The following HHIP variants were observed in gnomAD, a reference collection of about 807,000 sequenced individuals.
HHIP encodes hedgehog-interacting protein.
HHIP carries 12 observed loss-of-function variants against 74.0 expected under a neutral mutation model. The observed-to-expected ratio is 0.16, with a 90% CI of 0.10 to 0.26. The LOEUF (loss-of-function observed/expected upper bound fraction) is 0.26, where lower values mean the gene tolerates loss of function less well. Among genes scored for constraint, HHIP ranks in the 10% least tolerant of loss-of-function variants. The probability of loss-of-function intolerance (pLI) is 1.00; values close to 1 mark genes in which losing one functional copy is unlikely to be tolerated. For synonymous variants in HHIP, 309 were observed against 311.6 expected, an observed-to-expected ratio of 0.99 and a Z score of 0.09; for missense variants, 788 against 845.0, an observed-to-expected ratio of 0.93 and a Z score of 0.84.
intron 1 of HHIP, 136 bp downstream of exon 1, chr4:144,647,090 C>T (rs1341149732): frequency 2.2e-5 from 15 of 688,504 alleles, no homozygotes; most frequent in Non-Finnish European, 3.3e-5. Context: ...TTTTCTATAG[C>T]GCTAACGTGA....
chr4:144,692,106 G>T (rs1055996319), intron 4 of HHIP, among the ~76,000 whole-genome samples: 18 of 151,810 alleles, frequency 1.2e-4, no homozygotes, highest in South Asian at 1.0e-3. Context: ...TGCCATCTGG[G>T]TACTAGTAAC....
In HHIP at chr4:144,707,175, C is replaced by T. The variant is rs1730171222; in HGVS notation, c.1072C>T (p.Leu358Phe). 6.2e-7 allele frequency: 1 copy of T among 1,613,942 alleles called. No individual in the cohort carries two copies. Among genetic ancestry groups the T allele is most frequent in the Admixed American group, 1.7e-5 (1 of 60,012 alleles). Residue 358 changes from leucine (L) to phenylalanine (F), a missense_variant, in exon 6 of 13, where the codon CTC (leucine) becomes TTC (phenylalanine). Coordinates refer to ENST00000296575, the MANE Select transcript of HHIP (RefSeq NM_022475.3). ...CAGAAAGCATCTGGGAGGACAACTG[C>T]TCTTTGGCCCTGACGGCTTTTTGTA... ...LHRKHLGGQLLFGPDGFLYII... is the reference protein window; with the variant it reads ...LHRKHLGGQLFFGPDGFLYII...
chr4:144,735,102 T>C lies in HHIP; in HGVS notation c.1909+213T>C, dbSNP rs72718207. ...ACAATTCACTTATGTAAGTTAATTA[T>C]AAATATACAAAACCTTTAAATGACT... is the stretch of plus-strand genomic sequence containing the variant. On this transcript the variant is annotated intron_variant, in intron 12 of 12. Coordinates refer to ENST00000296575, the MANE Select transcript of HHIP (RefSeq NM_022475.3). Among the ~76,000 whole-genome samples the C allele has an allele frequency of 3.4e-3, 515 of 152,344 alleles. 4 individuals are homozygous for C. Among genetic ancestry groups the C allele is most frequent in the Middle Eastern group, 0.024 (7 of 294 alleles).
At chr4:144,700,055 GT>G (rs1364709456) in intron 4 of HHIP, among the ~76,000 whole-genome samples, 1 of 152,232 alleles carries the variant, frequency 6.6e-6, no homozygotes, top group South Asian at 2.1e-4. Context: ...TTGGAATCTC[GT>G]TTGACTAACT....
At chr4:144,711,851 G>T (rs1730314324) in intron 7 of HHIP, 99 bp from the exon 8 acceptor site, 12 of 1,167,196 alleles carry the variant, frequency 1.0e-5, no homozygotes, top group Middle Eastern at 2.0e-4. Context: ...TAGGATCCTT[G>T]CCAGTCCACA....
At position 144,673,676 on chromosome 4, in the gene HHIP, A is replaced by C. The variant is rs73854036; in HGVS notation, c.831+13838A>C. ...ATTAAAATGATAATGGAATATAAAA[A>C]CATAGACCTCTAATAAGGGGATATG... On this transcript the variant is annotated intron_variant, in intron 4 of 12. Transcript: ENST00000296575. Among the ~76,000 whole-genome samples, 187 of 152,326 alleles carry C rather than the reference A, an allele frequency of 1.2e-3. 1 individual carries two copies. Among genetic ancestry groups the C allele is most frequent in the African/African-American group, 4.3e-3 (180 of 41,578 alleles).
intron 2 of HHIP, among the ~76,000 whole-genome samples, chr4:144,654,591 T>G (rs1728511665): frequency 6.6e-6 from 1 of 152,164 alleles, no homozygotes; most frequent in Admixed American, 6.5e-5. Context: ...TGCTAATCGA[T>G]TTGTTGCCTG....
chr4:144,672,648 T>C (rs1729069859), intron 4 of HHIP, among the ~76,000 whole-genome samples: 1 of 152,140 alleles, frequency 6.6e-6, no homozygotes, highest in Non-Finnish European at 1.5e-5. Context: ...AGTTTTGAAC[T>C]GGAGTGATAT....
chr4:144,729,710 A>G (rs916973024), intron 11 of HHIP, among the ~76,000 whole-genome samples: 2 of 152,188 alleles, frequency 1.3e-5, no homozygotes, highest in East Asian at 1.9e-4. Context: ...GTGTCTGTGG[A>G]TAAAGGAGTA....
At chr4:144,686,933 A>G (rs1041168426) in intron 4 of HHIP, among the ~76,000 whole-genome samples, 1 of 152,214 alleles carries the variant, frequency 6.6e-6, no homozygotes, top group Admixed American at 6.5e-5. Context: ...AAAGACGCTT[A>G]GCCTCTATTT....
intron 4 of HHIP, among the ~76,000 whole-genome samples, chr4:144,667,578 A>G (rs1461170678): frequency 1.3e-5 from 2 of 152,206 alleles, no homozygotes; most frequent in Non-Finnish European, 1.5e-5. Context: ...AACTTTGGAC[A>G]TTAATTATAG....
chr4:144,740,153 T>C lies in HHIP; in HGVS notation c.*2196T>C, dbSNP rs1731227614. On this transcript the variant is annotated 3_prime_UTR_variant, in exon 13 of 13. Coordinates refer to ENST00000296575, the MANE Select transcript of HHIP (RefSeq NM_022475.3). ...TTACACATTCTCCAATTCTTCCTAG[T>C]TTCCCTGAAAACAATAAGGATACTG... 1 of 152,158 alleles carries C rather than the reference T, an allele frequency of 6.6e-6. No individual in the cohort carries two copies. Among genetic ancestry groups the C allele is most frequent in the South Asian group, 2.1e-4 (1 of 4,828 alleles). The allele number at this position is 152,158 out of a possible 1,614,324, so 9.4% of individuals were successfully genotyped here.
chr4:144,654,288 T>C (rs1011648315), intron 2 of HHIP, among the ~76,000 whole-genome samples: 1 of 152,138 alleles, frequency 6.6e-6, no homozygotes, highest in Non-Finnish European at 1.5e-5. Context: ...CAGATCAACA[T>C]ATGTGGTGAC....
intron 8 of HHIP, among the ~76,000 whole-genome samples, chr4:144,712,431 A>C (rs1356070608): frequency 6.6e-6 from 1 of 152,218 alleles, no homozygotes; most frequent in Non-Finnish European, 1.5e-5. Flanking sequence ...AGAAAAAACA[A>C]GTGTTAAAAG....
chr4:144,726,220 T>G (rs1371107549), intron 11 of HHIP, among the ~76,000 whole-genome samples: 1 of 152,188 alleles, frequency 6.6e-6, no homozygotes, highest in East Asian at 1.9e-4. Context: ...GCTTTTTTAT[T>G]ATAACCTAAT....
intron 4 of HHIP, among the ~76,000 whole-genome samples, chr4:144,671,653 C>A (rs1729040786): frequency 6.6e-6 from 1 of 152,164 alleles, no homozygotes; most frequent in African/African-American, 2.4e-5. Context: ...GGCATCATCT[C>A]TTCGGGGATC....
At chr4:144,723,237 C>A (rs1730687554) in intron 11 of HHIP, among the ~76,000 whole-genome samples, 1 of 152,104 alleles carries the variant, frequency 6.6e-6, no homozygotes. Flanking sequence ...CTTAATAAGT[C>A]TATAAATTAA....
rs200857549 is a variant in HHIP at position 144,646,865 on chromosome 4, G to T, written c.190G>T (p.Gly64Trp). 1.2e-5 allele frequency: 20 copies of T among 1,614,216 alleles called. No homozygotes were observed. The highest frequency in any genetic ancestry group is 4.5e-5 in the East Asian group (2 of 44,878). The change falls in exon 1 of 13, where the codon GGG (glycine) becomes TGG (tryptophan). Residue 64 changes from glycine to tryptophan, a missense_variant. Coordinates refer to ENST00000296575, the MANE Select transcript of HHIP (RefSeq NM_022475.3). ...GATGTCCCAGCTGGAGCTGCTGAGT[G>T]GGGGAGAGATGCTGTGCGGTGGCTT... The part of the protein sequence containing the change: ...RMMSQLELLS[G>W]GEMLCGGFYP...
Position 144,744,352 on chromosome 4 carries a change from T to G in HHIP, c.*6395T>G, listed in dbSNP as rs1202090747. 6.6e-6 allele frequency: 1 copy of G among 152,242 alleles called. No homozygotes were observed. The highest frequency in any genetic ancestry group is 2.4e-5 in the African/African-American group (1 of 41,460). The allele number at this position is 152,242 out of a possible 1,614,324, so 9.4% of individuals were successfully genotyped here. A position where few individuals can be genotyped will look rare whatever the true frequency, so the allele number is the denominator to read the frequency against. The stretch of plus-strand genomic sequence containing the variant: ...TAAGGAATGGTTATCTTTATCATTC[T>G]TCTAACATGTTTTGGTTTCTCTAAT... On this transcript the variant is annotated 3_prime_UTR_variant, in exon 13 of 13. Transcript: ENST00000296575.
Sources: gnomAD v4.1 joint callset for allele counts (sites outside exome capture counted in the v4.1 genomes callset) on GRCh38, gnomAD v4.1.1 for gene constraint, MANE v1.5 for transcripts, NCBI Gene and HGNC (gene_info 2026-07-23, HGNC 2026-07-21) for gene names.